TNFSF4: variants seen among roughly 807,000 people sequenced by gnomAD.
TNFSF4 encodes TNF superfamily member 4.
TNFSF4 carries 4 observed loss-of-function variants against 7.3 expected under a neutral mutation model. The observed-to-expected ratio is 0.55, with a 90% CI of 0.27 to 1.25. The LOEUF is 1.25. Among genes scored for constraint, TNFSF4 ranks in the 50% most tolerant of loss-of-function variants. The pLI is 0.12. For synonymous variants in TNFSF4, 76 were observed against 83.7 expected (o/e 0.91, Z 0.50); for missense variants, 181 against 208.8 (o/e 0.87, Z 0.82).
At chr1:173,429,746 T>C in the TNFSF4 span, among the ~76,000 whole-genome samples, 1 of 152,226 alleles carries the variant, frequency 6.6e-6, no homozygotes, top group Admixed American at 6.5e-5. Context: ...TGGGTCTGAA[T>C]AAAAGGTGAG....
the TNFSF4 span, among the ~76,000 whole-genome samples, chr1:173,442,872 A>G: frequency 1.3e-5 from 2 of 151,494 alleles, no homozygotes; most frequent in Non-Finnish European, 2.9e-5. Context: ...TTTAGTAGAG[A>G]CGGAGTTTCA....
At chr1:173,214,407 A>G in the TNFSF4 span, among the ~76,000 whole-genome samples, 1 of 152,230 alleles carries the variant, frequency 6.6e-6, no homozygotes, top group Non-Finnish European at 1.5e-5. Flanking sequence ...AGTTTATCTA[A>G]GCAGATATTA....
the TNFSF4 span, among the ~76,000 whole-genome samples, chr1:173,315,106 T>C: frequency 6.6e-6 from 1 of 152,128 alleles, no homozygotes; most frequent in Non-Finnish European, 1.5e-5. Context: ...AATAATTTTG[T>C]TTTCCATTTT....
At chr1:173,323,325 C>G in the TNFSF4 span, among the ~76,000 whole-genome samples, 2 of 152,150 alleles carry the variant, frequency 1.3e-5, no homozygotes, top group Non-Finnish European at 2.9e-5. Context: ...AGCTGAGGGT[C>G]CTGACTATTA....
chr1:173,317,877 T>C, the TNFSF4 span, among the ~76,000 whole-genome samples: 1 of 152,196 alleles, frequency 6.6e-6, no homozygotes, highest in African/African-American at 2.4e-5. Flanking sequence ...AAGTTATCTC[T>C]GAAAAGTAAG....
the TNFSF4 span, among the ~76,000 whole-genome samples, chr1:173,250,195 GTTTATT>G: frequency 2.7e-5 from 4 of 150,226 alleles, no homozygotes; most frequent in African/African-American, 1.0e-4. Context: ...TAATCTACTT[GTTTATT>G]TTTATTTGTT....
At chr1:173,304,982 AC>A in the TNFSF4 span, among the ~76,000 whole-genome samples, 1 of 152,060 alleles carries the variant, frequency 6.6e-6, no homozygotes, top group South Asian at 2.1e-4. Context: ...CTAGCTGCAA[AC>A]CCAGATTGAT....
chr1:173,346,010 A>C, the TNFSF4 span, among the ~76,000 whole-genome samples: 1 of 152,136 alleles, frequency 6.6e-6, no homozygotes, highest in African/African-American at 2.4e-5. Context: ...GGGAGGATTT[A>C]ACGAGAGGGC....
At chr1:173,386,305 G>A in the TNFSF4 span, among the ~76,000 whole-genome samples, 1 of 152,180 alleles carries the variant, frequency 6.6e-6, no homozygotes, top group Non-Finnish European at 1.5e-5. Context: ...AGTGGTAAAC[G>A]TTGGCAGTGT....
At chr1:173,362,621 G>A in the TNFSF4 span, 1 of 487,252 alleles carries the variant, frequency 2.1e-6, no homozygotes, top group Non-Finnish European at 4.1e-6. Context: ...TTTGCATGCT[G>A]CTGGTGATTA....
the TNFSF4 span, among the ~76,000 whole-genome samples, chr1:173,404,194 A>C: frequency 6.6e-6 from 1 of 152,080 alleles, no homozygotes; most frequent in Non-Finnish European, 1.5e-5. Context: ...GCAGTGACAA[A>C]CTCTTGGAAT....
At chr1:173,259,219 G>T in the TNFSF4 span, among the ~76,000 whole-genome samples, 1 of 152,088 alleles carries the variant, frequency 6.6e-6, no homozygotes, top group Non-Finnish European at 1.5e-5. Context: ...GGTGAATAGG[G>T]TCTGGAGTGG....
chr1:173,374,795 C>T, the TNFSF4 span, among the ~76,000 whole-genome samples: 2 of 152,152 alleles, frequency 1.3e-5, no homozygotes, highest in Non-Finnish European at 2.9e-5. Context: ...AAAGCAGACC[C>T]TATCAGTGCC....
chr1:173,379,014 T>C, the TNFSF4 span, among the ~76,000 whole-genome samples: 91 of 152,074 alleles, frequency 6.0e-4, no homozygotes, highest in African/African-American at 2.0e-3. Context: ...AGCTTTCAGA[T>C]GATCCTGATA....
At chr1:173,222,711 G>A in the TNFSF4 span, among the ~76,000 whole-genome samples, 2 of 152,168 alleles carry the variant, frequency 1.3e-5, no homozygotes, top group African/African-American at 4.8e-5. Context: ...GCCCACTAAG[G>A]TTGGAAGGAG....
the TNFSF4 span, among the ~76,000 whole-genome samples, chr1:173,311,885 C>G: frequency 6.6e-6 from 1 of 152,098 alleles, no homozygotes; most frequent in Non-Finnish European, 1.5e-5. Flanking sequence ...CCTCTGATAG[C>G]TTTTCACTAT....
At chr1:173,386,825 G>A in the TNFSF4 span, among the ~76,000 whole-genome samples, 1 of 152,210 alleles carries the variant, frequency 6.6e-6, no homozygotes, top group Non-Finnish European at 1.5e-5. Flanking sequence ...TGGAGTCAAT[G>A]ATTATTCTCA....
chr1:173,177,854 A>T, the TNFSF4 span, among the ~76,000 whole-genome samples: 9 of 152,350 alleles, frequency 5.9e-5, no homozygotes, highest in African/African-American at 2.2e-4. Flanking sequence ...TGTTACAGGA[A>T]TTCAAAAAAA....
At chr1:173,366,795 A>AAT in the TNFSF4 span, among the ~76,000 whole-genome samples, 13 of 151,184 alleles carry the variant, frequency 8.6e-5, no homozygotes, top group African/African-American at 2.7e-4. Flanking sequence ...TAAAAATTAA[A>AAT]ATATATATAT....
Sources: gnomAD v4.1 joint callset for allele counts (sites outside exome capture counted in the v4.1 genomes callset) on GRCh38, gnomAD v4.1.1 for gene constraint, MANE v1.5 for transcripts, NCBI Gene and HGNC (gene_info 2026-07-23, HGNC 2026-07-21) for gene names.